Variants in C2CD3 observed in about 807,000 individuals in gnomAD.
C2CD3 encodes the protein C2 domain containing 3 centriole elongation regulator, also known as C2 domain-containing protein 3.
In C2CD3, 148 loss-of-function variants were observed where a neutral mutation model predicts 234.0. The ratio of observed to expected loss-of-function variants is 0.63; its 90% CI spans 0.55 to 0.72. C2CD3 has a LOEUF of 0.72. Ranked by LOEUF, C2CD3 falls within the 30% of genes least tolerant of loss-of-function variation. The pLI is 0.00. For synonymous variants in C2CD3, 1,000 were observed against 1,035.4 expected (o/e 0.97, Z 0.66); for missense variants, 2,577 against 2,811.5 (o/e 0.92, Z 1.89).
In C2CD3 at chr11:74,098,070, G is replaced by T; in HGVS notation, c.2918C>A (p.Pro973His). Residue 973 changes from proline to histidine, a missense_variant, in exon 16 of 33, where the codon CCT becomes CAT. Pro to His is a moderately conservative substitution (Grantham distance 77). Transcript: ENST00000334126. ...QRLKNEEGTLPPFSPRPAHFL... is the reference protein window; with the variant it reads ...QRLKNEEGTLHPFSPRPAHFL... ...ATGGGCTGGCCTAGGGCTGAAGGGAGGGAGTGTTCCTTCTTCATTCTTTAA... is the reference window on the plus strand; with the variant it reads ...ATGGGCTGGCCTAGGGCTGAAGGGATGGAGTGTTCCTTCTTCATTCTTTAA... 1 of 1,613,200 alleles carries T rather than the reference G, an allele frequency of 6.2e-7. No homozygotes were observed. Among genetic ancestry groups the T allele is most frequent in the Non-Finnish European group, 8.5e-7 (1 of 1,179,110 alleles).
intron 3 of C2CD3, among the ~76,000 whole-genome samples, chr11:74,151,679 T>C (rs1188014940): frequency 6.6e-6 from 1 of 152,168 alleles, no homozygotes; most frequent in African/African-American, 2.4e-5. Context: ...TTATAAAATT[T>C]ACAATGTTCA....
Position 74,085,783 on chromosome 11 carries a change from G to A in C2CD3, c.3745C>T (p.Arg1249Ter), listed in dbSNP as rs1317099542. 7 of 1,614,114 alleles carry A rather than the reference G, an allele frequency of 4.3e-6. No individual in the cohort carries two copies. Among genetic ancestry groups the A allele is most frequent in the Non-Finnish European group, 5.9e-6 (7 of 1,180,014 alleles). Residue 1249 changes from arginine (R) to a stop codon, truncating the protein, a stop_gained, in exon 21 of 33, where the codon CGA (arginine) becomes TGA (stop). Coordinates refer to ENST00000334126, the MANE Select transcript of C2CD3 (RefSeq NM_001286577.2). LOFTEE classifies it high-confidence loss of function. Reference sequence around the variant, plus strand: ...AAAGAACAGGCCACAGGGTGGGTTCGGCGCTGTTCTCCCTGGGGCAGGAAG... The same window carrying A: ...AAAGAACAGGCCACAGGGTGGGTTCAGCGCTGTTCTCCCTGGGGCAGGAAG... ...LSFLPQGEQR[R>*]THPVACSFCP...
At chr11:74,169,071 T>A (rs1856984528) in intron 1 of C2CD3, among the ~76,000 whole-genome samples, 1 of 152,204 alleles carries the variant, frequency 6.6e-6, no homozygotes, top group South Asian at 2.1e-4. Context: ...TTTAAAAAAA[T>A]CACTAACGAT....
At chr11:74,109,003 G>T in intron 12 of C2CD3, 31 bp downstream of exon 12, 1 of 1,150,822 alleles carries the variant, frequency 8.7e-7, no homozygotes, top group Non-Finnish European at 1.3e-6. Flanking sequence ...TAGTGTGAAG[G>T]TAAGGCAAAG....
chr11:74,030,130 C>A (rs553307417), intron 31 of C2CD3, among the ~76,000 whole-genome samples: 2 of 152,242 alleles, frequency 1.3e-5, no homozygotes, highest in Non-Finnish European at 2.9e-5. Flanking sequence ...AAACAAACAA[C>A]CCCCTGACCT....
rs1264491606 is a variant in C2CD3 at position 74,100,627 on chromosome 11, T to C, written c.2630A>G (p.Asn877Ser). ...SSKYLERLKN[N>S]VMVIETWNKV... ...ATTCCAAGTTTCAATTACCATCACA[T>C]TGTTCTTAAGCCTTTCCAGGTATTT... The change falls in exon 15 of 33, where the codon AAT becomes AGT. Residue 877 changes from asparagine to serine, a missense_variant. Transcript: ENST00000334126. 6.2e-7 allele frequency: 1 copy of C among 1,614,040 alleles called. No homozygotes were observed.
chr11:74,168,383 T>C lies in C2CD3; in HGVS notation c.286A>G (p.Ile96Val). ...KAVRTTTRYA[I>V]RCGPKQFTSY... ...GTAAACTGTTTTGGACCACAACGAA[T>C]AGCGTAACGTGTAGTTGTTCTCACA... Residue 96 changes from isoleucine (I) to valine (V), a missense_variant, in exon 2 of 33, where the codon ATT (isoleucine) becomes GTT (valine). Transcript: ENST00000334126. 6.2e-7 allele frequency: 1 copy of C among 1,613,990 alleles called. No individual in the cohort carries two copies. Among genetic ancestry groups the C allele is most frequent in the Non-Finnish European group, 8.5e-7 (1 of 1,179,848 alleles).
Position 74,103,538 on chromosome 11 carries a change from C to T in C2CD3, c.2173G>A (p.Ala725Thr), listed in dbSNP as rs757642233. ...SGNTHYTPLC[A>T]PTSPNKALPE... ...AGTGCCTTATTTGGACTTGTAGGAG[C>T]ACAAAGTGGGGTATAATGGGTGTTG... Residue 725 changes from alanine (A) to threonine (T), a missense_variant, in exon 14 of 33, where the codon GCT becomes ACT. Ala to Thr is a moderately conservative substitution (Grantham distance 58). Coordinates refer to ENST00000334126, the MANE Select transcript of C2CD3 (RefSeq NM_001286577.2). 6.2e-7 allele frequency: 1 copy of T among 1,614,014 alleles called. No individual in the cohort carries two copies.
At chr11:74,107,702 T>C (rs770271819) in intron 12 of C2CD3, among the ~76,000 whole-genome samples, 1 of 152,178 alleles carries the variant, frequency 6.6e-6, no homozygotes. Flanking sequence ...TACAAAATTA[T>C]ACAACATACT....
At chr11:74,027,667 A>C (rs966410742) in intron 32 of C2CD3, among the ~76,000 whole-genome samples, 1 of 152,274 alleles carries the variant, frequency 6.6e-6, no homozygotes, top group Middle Eastern at 3.4e-3. Context: ...TGTCTTATTT[A>C]CTACTATATG....
chr11:74,017,907 T>C (rs1174550718), intron 32 of C2CD3, among the ~76,000 whole-genome samples: 2 of 152,218 alleles, frequency 1.3e-5, no homozygotes, highest in Non-Finnish European at 2.9e-5. Flanking sequence ...ACAGGCCACA[T>C]GCTCCCAGGG....
chr11:74,117,868 G>A (rs946749412), intron 9 of C2CD3, among the ~76,000 whole-genome samples: 4 of 150,666 alleles, frequency 2.7e-5, no homozygotes, highest in East Asian at 1.9e-4. Context: ...ATCTGAGATC[G>A]TGCCATTGCA....
intron 13 of C2CD3, among the ~76,000 whole-genome samples, chr11:74,105,395 C>T (rs1413752022): frequency 1.3e-5 from 2 of 152,168 alleles, no homozygotes; most frequent in South Asian, 2.1e-4. Flanking sequence ...CTCAGCCTCC[C>T]GAGTAGCTGG....
intron 2 of C2CD3, among the ~76,000 whole-genome samples, chr11:74,162,112 AG>A (rs1294747245): frequency 6.6e-6 from 1 of 152,178 alleles, no homozygotes; most frequent in African/African-American, 2.4e-5. Context: ...CACCAAGGCT[AG>A]CCTACTCCTT....
chr11:74,108,995 G>C lies in C2CD3; in HGVS notation c.1962+39C>G, dbSNP rs780964378. 5 of 990,866 alleles carry C rather than the reference G, an allele frequency of 5.0e-6. No homozygotes were observed. In the African/African-American group the frequency reaches 6.4e-5, roughly 13 times the overall value. The allele number at this position is 990,866 out of a possible 1,614,324, so 61.4% of individuals were successfully genotyped here. ...ATTTTAGGTATCCTCCAAATCCCTA[G>C]TGTGAAGGTAAGGCAAAGGCCAAAA... On this transcript the variant is annotated intron_variant, in intron 12 of 32. Coordinates refer to ENST00000334126, the MANE Select transcript of C2CD3 (RefSeq NM_001286577.2).
chr11:74,109,513 AGG>A (rs558546308), intron 11 of C2CD3: 1 of 170,502 alleles, frequency 5.9e-6, no homozygotes, highest in Non-Finnish European at 1.2e-5. Flanking sequence ...TACTAAAAGA[AGG>A]GGGCTGGTTG....
chr11:74,123,592 T>G (rs1013847457), intron 7 of C2CD3, among the ~76,000 whole-genome samples: 1 of 152,170 alleles, frequency 6.6e-6, no homozygotes, highest in Admixed American at 6.5e-5. Flanking sequence ...GGACTAATTA[T>G]GGTGATATTA....
intron 12 of C2CD3, 39 bp downstream of exon 12, chr11:74,108,995 G>T (rs780964378): frequency 2.0e-6 from 2 of 990,980 alleles, no homozygotes; most frequent in Non-Finnish European, 1.6e-6. Flanking sequence ...CAAATCCCTA[G>T]TGTGAAGGTA....
chr11:74,099,993 G>A (rs1590801482), intron 15 of C2CD3, among the ~76,000 whole-genome samples: 2 of 152,186 alleles, frequency 1.3e-5, no homozygotes, highest in South Asian at 4.2e-4. Flanking sequence ...CGTGTTAAAA[G>A]TGAGGTGGAG....
Sources: allele counts gnomAD v4.1 joint callset (sites outside exome capture counted in the v4.1 genomes callset), GRCh38; gene constraint gnomAD v4.1.1; transcripts MANE v1.5; gene names NCBI Gene and HGNC (gene_info 2026-07-23, HGNC 2026-07-21).